The following CEP112 variants were observed in gnomAD, a reference collection of about 807,000 sequenced individuals.
The protein encoded by CEP112 is centrosomal protein of 112 kDa.
CEP112 carries 127 observed loss-of-function variants against 153.0 expected under a neutral mutation model. The observed-to-expected ratio is 0.83, with a 90% CI of 0.72 to 0.96. The LOEUF (loss-of-function observed/expected upper bound fraction) is 0.96, where lower values mean the gene tolerates loss of function less well. CEP112 is among the 40% of genes least tolerant of loss of function. The probability of loss-of-function intolerance (pLI) is 0.00; values close to 1 mark genes in which losing one functional copy is unlikely to be tolerated. For synonymous variants in CEP112, 358 were observed against 374.4 expected, an observed-to-expected ratio of 0.96 and a Z score of 0.51; for missense variants, 1,089 against 1,101.2, an observed-to-expected ratio of 0.99 and a Z score of 0.16.
At chr17:66,129,917 A>AGAGATAAAGG (rs1487754271) in intron 5 of CEP112, 94 bp from the exon 6 acceptor site, 13 of 786,394 alleles carry the variant, frequency 1.7e-5, no homozygotes, top group Non-Finnish European at 2.5e-5. Flanking sequence ...AAAAGATAGA[A>AGAGATAAAGG]GAGATAAAGG....
intron 11 of CEP112, among the ~76,000 whole-genome samples, chr17:66,056,706 A>G (rs2145960692): frequency 6.6e-6 from 1 of 152,322 alleles, no homozygotes; most frequent in African/African-American, 2.4e-5. Flanking sequence ...GACAAACAGT[A>G]GATTGATGGT....
chr17:65,969,675 T>C (rs775043724), intron 17 of CEP112, among the ~76,000 whole-genome samples: 4 of 152,242 alleles, frequency 2.6e-5, no homozygotes, highest in Non-Finnish European at 4.4e-5. Flanking sequence ...GCATATTGCA[T>C]GCATGTGTAT....
At chr17:65,666,555 G>C (rs954508319) in intron 24 of CEP112, among the ~76,000 whole-genome samples, 2 of 152,144 alleles carry the variant, frequency 1.3e-5, no homozygotes, top group Non-Finnish European at 2.9e-5. Flanking sequence ...TGTCTTAATT[G>C]ATGCAAGCCA....
chr17:66,107,064 T>A (rs1361972627), intron 6 of CEP112, among the ~76,000 whole-genome samples: 1 of 152,148 alleles, frequency 6.6e-6, no homozygotes, highest in Non-Finnish European at 1.5e-5. Flanking sequence ...TTTCAATTGA[T>A]GCTGAAAAAG....
intron 4 of CEP112, among the ~76,000 whole-genome samples, chr17:66,150,199 C>CT (rs369271405): frequency 0.24 from 31,014 of 129,588 alleles, 3,853 homozygotes; most frequent in Middle Eastern, 0.33. Flanking sequence ...CGCGCCCGGC[C>CT]TTTTTTTTTT....
chr17:65,743,402 T>G (rs2051247359), intron 22 of CEP112, among the ~76,000 whole-genome samples, 185 bp from the exon 23 acceptor site: 1 of 152,186 alleles, frequency 6.6e-6, no homozygotes. Flanking sequence ...TTAATAAAAA[T>G]GTGAATGGTG....
intron 23 of CEP112, among the ~76,000 whole-genome samples, chr17:65,707,488 C>T (rs118100944): frequency 0.028 from 4,192 of 152,236 alleles, 83 homozygotes; most frequent in Non-Finnish European, 0.04. Context: ...CTTACAATTA[C>T]ACTTAGAATA....
chr17:65,818,136 T>C (rs2056364288), intron 21 of CEP112, among the ~76,000 whole-genome samples: 1 of 151,814 alleles, frequency 6.6e-6, no homozygotes, highest in South Asian at 2.1e-4. Flanking sequence ...CTTGTAGCAA[T>C]TTACAAAGTA....
intron 21 of CEP112, among the ~76,000 whole-genome samples, chr17:65,795,143 T>G (rs2054835324): frequency 6.6e-6 from 1 of 152,192 alleles, no homozygotes; most frequent in Non-Finnish European, 1.5e-5. Flanking sequence ...TGGTAAGCTG[T>G]CCTAGTCACA....
At chr17:65,877,396 ACT>A (rs141160858) in intron 20 of CEP112, among the ~76,000 whole-genome samples, 9,413 of 152,202 alleles carry the variant, frequency 0.062, 348 homozygotes, top group South Asian at 0.12. Context: ...TGGTGGGACA[ACT>A]CTGTGTACAT....
chr17:65,860,063 C>T (rs1017915987), intron 20 of CEP112, among the ~76,000 whole-genome samples: 9 of 147,058 alleles, frequency 6.1e-5, no homozygotes, highest in South Asian at 2.2e-4. Flanking sequence ...GATGCCATGA[C>T]GGTATATATA....
chr17:66,052,664 G>A (rs1370952016), intron 12 of CEP112, among the ~76,000 whole-genome samples: 1 of 152,140 alleles, frequency 6.6e-6, no homozygotes, highest in African/African-American at 2.4e-5. Flanking sequence ...TCTATGTCTG[G>A]TTCCCGAGTT....
chr17:65,720,186 AT>A (rs2049786167), intron 23 of CEP112, among the ~76,000 whole-genome samples: 2 of 152,178 alleles, frequency 1.3e-5, no homozygotes, highest in African/African-American at 4.8e-5. Flanking sequence ...GGTTCAGATA[AT>A]TATTTCCATT....
At chr17:65,771,973 G>C (rs2053382401) in intron 21 of CEP112, among the ~76,000 whole-genome samples, 1 of 151,896 alleles carries the variant, frequency 6.6e-6, no homozygotes, top group Non-Finnish European at 1.5e-5. Context: ...AGTGAGCTGT[G>C]ATAGTGGCAC....
chr17:66,029,572 T>C (rs561398410), intron 13 of CEP112, among the ~76,000 whole-genome samples: 1 of 151,924 alleles, frequency 6.6e-6, no homozygotes, highest in Non-Finnish European at 1.5e-5. Flanking sequence ...GGCATGGTGG[T>C]GCATGCCTGC....
At chr17:65,655,114 C>G (rs1567817151) in intron 24 of CEP112, 5 of 720,298 alleles carry the variant, frequency 6.9e-6, no homozygotes, top group Non-Finnish European at 7.9e-6. Flanking sequence ...GCGTCATTCC[C>G]AAGCCATGGA....
intron 23 of CEP112, among the ~76,000 whole-genome samples, chr17:65,706,047 T>C (rs900131472): frequency 6.6e-6 from 1 of 152,202 alleles, no homozygotes; most frequent in Admixed American, 6.5e-5. Flanking sequence ...ATCTTGATAG[T>C]TACTGAAGGT....
intron 20 of CEP112, among the ~76,000 whole-genome samples, chr17:65,854,545 C>G (rs568195203): frequency 2.0e-5 from 3 of 152,230 alleles, no homozygotes; most frequent in African/African-American, 7.2e-5. Flanking sequence ...TAAATCTGAG[C>G]CTTCGAGGCT....
At chr17:65,643,760 G>C (rs1402800066) in intron 24 of CEP112, among the ~76,000 whole-genome samples, 3 of 152,210 alleles carry the variant, frequency 2.0e-5, no homozygotes, top group African/African-American at 7.2e-5. Context: ...AGGATATCAA[G>C]TGATTGTCTA....
Sources: allele counts gnomAD v4.1 joint callset (sites outside exome capture counted in the v4.1 genomes callset), GRCh38; gene constraint gnomAD v4.1.1; transcripts MANE v1.5; gene names NCBI Gene and HGNC (gene_info 2026-07-23, HGNC 2026-07-21).